The following ANO3 variants were observed in gnomAD, a reference collection of about 807,000 sequenced individuals.
ANO3 encodes anoctamin-3.
Under a neutral mutation model 144.8 loss-of-function variants are expected in ANO3, and 99 were observed. That is an observed-to-expected ratio of 0.68 (90% CI 0.58 to 0.81). The LOEUF is 0.81. ANO3 is among the 30% of genes least tolerant of loss of function. The pLI, the probability that ANO3 is intolerant of heterozygous loss-of-function variation, is 0.00. For missense variants in ANO3, 905 were observed against 1,202.2 expected (o/e 0.75, Z 3.66); for synonymous variants, 414 against 392.6 (o/e 1.05, Z -0.64).
intron 1 of ANO3, among the ~76,000 whole-genome samples, chr11:26,332,751 TAAGATAAATG>T (rs1470024679): frequency 2.0e-5 from 3 of 152,150 alleles, no homozygotes; most frequent in Non-Finnish European, 4.4e-5. Flanking sequence ...TACACAATCA[TAAGATAAATG>T]AATTCTTGGG....
At chr11:26,269,606 C>T (rs1237462592) in intron 1 of ANO3, among the ~76,000 whole-genome samples, 2 of 152,164 alleles carry the variant, frequency 1.3e-5, no homozygotes, top group East Asian at 3.9e-4. Flanking sequence ...TTTGGACCTG[C>T]TGTCTTAATT....
chr11:26,338,777 GAA>G (rs1245982662), intron 1 of ANO3, among the ~76,000 whole-genome samples: 1 of 152,030 alleles, frequency 6.6e-6, no homozygotes, highest in East Asian at 1.9e-4. Context: ...CTTCACTCCT[GAA>G]GTCAGTGAGA....
intron 17 of ANO3, among the ~76,000 whole-genome samples, chr11:26,615,235 A>C (rs1208595937): frequency 6.7e-6 from 1 of 149,706 alleles, no homozygotes; most frequent in Non-Finnish European, 1.5e-5. Flanking sequence ...TACAAGTAGC[A>C]ACATTAGGTC....
intron 14 of ANO3, chr11:26,566,928 C>A: frequency 4.7e-6 from 4 of 852,770 alleles, no homozygotes; most frequent in Non-Finnish European, 4.8e-6. Flanking sequence ...GCACTCTAAA[C>A]AAGATCTAGC....
At chr11:26,503,905 T>C (rs1861300551) in intron 4 of ANO3, among the ~76,000 whole-genome samples, 1 of 152,172 alleles carries the variant, frequency 6.6e-6, no homozygotes, top group Admixed American at 6.5e-5. Context: ...ATCTTTCTAA[T>C]ATTTTTTTCC....
intron 14 of ANO3, among the ~76,000 whole-genome samples, chr11:26,561,785 G>A (rs1850305031): frequency 6.6e-6 from 1 of 151,824 alleles, no homozygotes; most frequent in Non-Finnish European, 1.5e-5. Flanking sequence ...TGGAAATTTA[G>A]TTTTCTTTTA....
intron 4 of ANO3, among the ~76,000 whole-genome samples, chr11:26,483,695 A>G (rs2134092717): frequency 6.6e-6 from 1 of 152,300 alleles, no homozygotes; most frequent in African/African-American, 2.4e-5. Flanking sequence ...GCAATGCAAG[A>G]ATGAACTAAT....
At chr11:26,478,767 C>T (rs1860081687) in intron 4 of ANO3, among the ~76,000 whole-genome samples, 1 of 152,094 alleles carries the variant, frequency 6.6e-6, no homozygotes, top group South Asian at 2.1e-4. Flanking sequence ...CAATCACAAC[C>T]AGGCAACTAG....
At chr11:26,343,270 A>G (rs911310771) in intron 1 of ANO3, among the ~76,000 whole-genome samples, 3 of 152,204 alleles carry the variant, frequency 2.0e-5, no homozygotes, top group Non-Finnish European at 2.9e-5. Context: ...ATATTTATAC[A>G]TCACATTTCT....
intron 1 of ANO3, among the ~76,000 whole-genome samples, chr11:26,278,210 C>T (rs993392872): frequency 1.3e-5 from 2 of 152,122 alleles, no homozygotes; most frequent in African/African-American, 4.8e-5. Context: ...TCATATTCTT[C>T]TGGCATTGGC....
intron 1 of ANO3, among the ~76,000 whole-genome samples, chr11:26,295,152 G>T (rs113383231): frequency 0.19 from 29,090 of 151,800 alleles, 3,895 homozygotes; most frequent in African/African-American, 0.38. Flanking sequence ...CTGACCTCGT[G>T]ATCCACCCGC....
rs1395601739 is a variant in ANO3, at chr11:26,634,209, C to A, written c.1879C>A (p.Pro627Thr). 6.2e-7 allele frequency: 1 copy of A among 1,611,638 alleles called. No homozygotes were observed. The highest frequency in any genetic ancestry group is 8.5e-7 in the Non-Finnish European group (1 of 1,177,936). ...IAYLLTNLEY[P>T]RTESEWENSF... ...GCAACCTGTGTTCCTTTTAGAATAT[C>A]CTCGAACAGAATCAGAGTGGGAAAA... is the stretch of plus-strand genomic sequence containing the variant. Residue 627 changes from proline (P) to threonine (T), a missense_variant, in exon 19 of 27, where the codon CCT becomes ACT. Around this residue, in one of 4 missense-constraint regions of ANO3, gnomAD observed 597 missense variants for 865.1 expected, o/e 0.69. Coordinates refer to ENST00000256737, the MANE Select transcript of ANO3 (RefSeq NM_031418.4).
chr11:26,602,700 G>A (rs897529867), intron 17 of ANO3, among the ~76,000 whole-genome samples: 2 of 149,918 alleles, frequency 1.3e-5, no homozygotes, highest in South Asian at 4.2e-4. Context: ...ACAATAAGCT[G>A]TGATCACCCC....
chr11:26,427,356 T>C (rs933196052), intron 1 of ANO3: 3 of 152,594 alleles, frequency 2.0e-5, no homozygotes, highest in African/African-American at 7.2e-5. Context: ...TCAGCTGAAC[T>C]ACAGCCTAGT....
At chr11:26,365,977 TATATATATATATATATATATATA>T (rs1564984866) in intron 1 of ANO3, among the ~76,000 whole-genome samples, 1,820 of 73,316 alleles carry the variant, frequency 0.025, 79 homozygotes, top group East Asian at 0.045. Flanking sequence ...TATATATATA[TATATATATATATATATATATATA>T]TATTTTAATT....
chr11:26,468,639 A>G (rs1164257932), intron 4 of ANO3, among the ~76,000 whole-genome samples: 1 of 151,970 alleles, frequency 6.6e-6, no homozygotes, highest in Non-Finnish European at 1.5e-5. Context: ...GATGTCAGGA[A>G]CTATTTCATT....
At chr11:26,350,412 T>C (rs1190232090) in intron 1 of ANO3, among the ~76,000 whole-genome samples, 2 of 152,188 alleles carry the variant, frequency 1.3e-5, no homozygotes, top group Admixed American at 6.5e-5. Context: ...ATATTTTTGT[T>C]TTCTAGTTTT....
At chr11:26,412,053 C>A (rs973142147) in intron 1 of ANO3, among the ~76,000 whole-genome samples, 1 of 151,914 alleles carries the variant, frequency 6.6e-6, no homozygotes, top group South Asian at 2.1e-4. Flanking sequence ...CAAGTATTTA[C>A]AAGTTATATA....
At chr11:26,538,101 T>C (rs1849555842) in intron 10 of ANO3, among the ~76,000 whole-genome samples, 1 of 152,208 alleles carries the variant, frequency 6.6e-6, no homozygotes, top group East Asian at 1.9e-4. Context: ...CAGTACATAA[T>C]ACAAGGCTGA....
Sources: gnomAD v4.1 joint callset for allele counts (sites outside exome capture counted in the v4.1 genomes callset) on GRCh38, gnomAD v4.1.1 for gene constraint, gnomAD v4.1.1 regional missense constraint, MANE v1.5 for transcripts, NCBI Gene and HGNC (gene_info 2026-07-23, HGNC 2026-07-21) for gene names.